The following SEC31A variants were observed in gnomAD, a reference collection of about 807,000 sequenced individuals.
The protein encoded by SEC31A is SEC31 homolog A, COPII component.
A neutral mutation model predicts 151.0 loss-of-function variants in SEC31A; 70 were observed. The ratio of observed to expected loss-of-function variants is 0.46; its 90% CI spans 0.38 to 0.57. The LOEUF (loss-of-function observed/expected upper bound fraction) is 0.57, where lower values mean the gene tolerates loss of function less well. SEC31A is among the 20% of genes least tolerant of loss of function. The pLI is 0.00. For synonymous variants in SEC31A, 475 were observed against 505.9 expected (o/e 0.94, Z 0.82); for missense variants, 1,330 against 1,471.2 (o/e 0.90, Z 1.57).
At chr4:82,840,199 T>G (rs1021497186) in intron 22 of SEC31A, among the ~76,000 whole-genome samples, 6 of 152,178 alleles carry the variant, frequency 3.9e-5, no homozygotes, top group Non-Finnish European at 8.8e-5. Flanking sequence ...AAGACTTAAA[T>G]AAGAAAACAT....
chr4:82,864,673 A>G (rs1342496034), intron 10 of SEC31A, 75 bp from the exon 11 acceptor site: 1 of 1,150,342 alleles, frequency 8.7e-7, no homozygotes, highest in Non-Finnish European at 1.3e-6. Flanking sequence ...AAAGTGGCCT[A>G]AACAGATAAT....
At position 82,864,451 on chromosome 4, in the gene SEC31A, C is replaced by T. The variant is rs1340078150; in HGVS notation, c.1345G>A (p.Val449Met). 2 of 1,614,036 alleles carry T rather than the reference C, an allele frequency of 1.2e-6. No individual in the cohort carries two copies. The highest frequency in any genetic ancestry group is 1.7e-6 in the Non-Finnish European group (2 of 1,180,040). The change falls in exon 11 of 27, where the codon GTG becomes ATG. Residue 449 changes from valine to methionine, a missense_variant. Transcript: ENST00000395310. ...LSRSDQLQQA[V>M]QSQGFINYCQ... The stretch of plus-strand genomic sequence containing the variant: ...TAATTGATAAATCCTTGTGACTGCA[C>T]AGCCTGCTGAAGTTGGTCTGATCGG...
rs549346541 is a variant in SEC31A at position 82,856,390 on chromosome 4, C to A, written c.1881+562G>T. On this transcript the variant is annotated intron_variant, in intron 16 of 26. Coordinates refer to ENST00000395310, the MANE Select transcript of SEC31A (RefSeq NM_001077207.4). ...GGTCTTGAACTCCTGACCTCGTGAC[C>A]CCCCCACCTCTGCCTCCCAAAGTGC... 2.6e-5 allele frequency among the ~76,000 whole-genome samples: 4 copies of A among 151,158 alleles called. No homozygotes were observed. The South Asian group carries it at 8.4e-4, about 32-fold the overall frequency.
intron 14 of SEC31A, among the ~76,000 whole-genome samples, chr4:82,859,788 AAT>A (rs1491308980): frequency 1.8e-4 from 12 of 68,216 alleles, no homozygotes; most frequent in South Asian, 9.5e-4. Flanking sequence ...CTTGCATAAA[AAT>A]ATTTTTTTTT....
chr4:82,863,506 C>T (rs535839227), intron 11 of SEC31A, 114 bp from the exon 12 acceptor site: 2 of 611,670 alleles, frequency 3.3e-6, no homozygotes, highest in African/African-American at 3.8e-5. Context: ...AGTCTACATT[C>T]TAAAGATTCA....
intron 16 of SEC31A, among the ~76,000 whole-genome samples, chr4:82,855,326 T>C (rs1732394321): frequency 6.6e-6 from 1 of 152,186 alleles, no homozygotes; most frequent in African/African-American, 2.4e-5. Flanking sequence ...TGCCCAAGCA[T>C]GTAGACTTTT....
intron 1 of SEC31A, among the ~76,000 whole-genome samples, chr4:82,885,355 T>C (rs1158941986): frequency 6.6e-6 from 1 of 152,204 alleles, no homozygotes; most frequent in Non-Finnish European, 1.5e-5. Context: ...GTCTGTTTTC[T>C]TTTTTGTGCA....
Position 82,855,188 on chromosome 4 carries a change from C to T in SEC31A, c.1882-159G>A, listed in dbSNP as rs1483035354. On this transcript the variant is annotated intron_variant, in intron 16 of 26. Transcript: ENST00000395310. ...ACATAATAATGGTATTATTGTTCCT[C>T]AAGAAACAACAGCAACAACAAAAAC... 6.6e-6 allele frequency among the ~76,000 whole-genome samples: 1 copy of T among 152,182 alleles called. No individual in the cohort carries two copies. Among genetic ancestry groups the T allele is most frequent in the East Asian group, 1.9e-4 (1 of 5,206 alleles).
Position 82,866,916 on chromosome 4 carries a change from C to T in SEC31A, c.1089G>A (p.Gln363=). 6.2e-7 allele frequency: 1 copy of T among 1,614,058 alleles called. No individual in the cohort carries two copies. Residue 363 remains glutamine (Q), a synonymous_variant, in exon 10 of 27, where the codon CAG becomes CAA. Coordinates refer to ENST00000395310, the MANE Select transcript of SEC31A (RefSeq NM_001077207.4). ...FGNLDPFGTG[Q]PLPPLQIPQQ... is the part of the protein sequence containing the mutation. The stretch of plus-strand genomic sequence containing the variant: ...GTGGAATTTGTAACGGAGGAAGGGG[C>T]TGTCCTGTGCCAAAGGGATCAAGAT...
intron 1 of SEC31A, among the ~76,000 whole-genome samples, chr4:82,890,059 C>A (rs568249574): frequency 6.6e-6 from 1 of 152,042 alleles, no homozygotes; most frequent in Non-Finnish European, 1.5e-5. Context: ...GAAACCCCGT[C>A]TCTACTAAAA....
At chr4:82,824,742 C>G (rs1724150093) in intron 24 of SEC31A, 68 bp from the exon 25 acceptor site, 3 of 1,543,014 alleles carry the variant, frequency 1.9e-6, no homozygotes, top group Non-Finnish European at 2.6e-6. Context: ...AATCTTGAAT[C>G]TATGTGATAA....
At chr4:82,873,684 T>C (rs1271920329) in intron 6 of SEC31A, among the ~76,000 whole-genome samples, 1 of 152,194 alleles carries the variant, frequency 6.6e-6, no homozygotes, top group Non-Finnish European at 1.5e-5. Context: ...TTAAACTACA[T>C]ATGTATGCCT....
At chr4:82,888,789 A>T (rs530106797) in intron 1 of SEC31A, among the ~76,000 whole-genome samples, 1 of 152,314 alleles carries the variant, frequency 6.6e-6, no homozygotes, top group South Asian at 2.1e-4. Flanking sequence ...ATTGCATTCA[A>T]TTAGGTGGAA....
intron 2 of SEC31A, 42 bp from the exon 3 acceptor site, chr4:82,880,964 A>T: frequency 6.5e-7 from 1 of 1,527,158 alleles, no homozygotes; most frequent in East Asian, 2.3e-5. Flanking sequence ...CACAAAAATA[A>T]AAGATCAGAG....
At position 82,829,069 on chromosome 4, in the gene SEC31A, T is replaced by C. The variant is rs775881857; in HGVS notation, c.2969-11A>G. 6.2e-7 allele frequency: 1 copy of C among 1,606,710 alleles called. No individual in the cohort carries two copies. The highest frequency in any genetic ancestry group is 8.5e-7 in the Non-Finnish European group (1 of 1,173,652). On this transcript the variant is annotated splice_polypyrimidine_tract_variant and intron_variant, in intron 22 of 26. Coordinates refer to ENST00000395310, the MANE Select transcript of SEC31A (RefSeq NM_001077207.4). ...AACCATTCTGAGGACCTATAACAGA[T>C]AACAGAGAATGTTTTCCTTTAGAAT...
At chr4:82,847,697 T>C (rs1730538041) in intron 20 of SEC31A, among the ~76,000 whole-genome samples, 1 of 152,204 alleles carries the variant, frequency 6.6e-6, no homozygotes, top group Non-Finnish European at 1.5e-5. Context: ...TGTTCTGCCC[T>C]ACCTATGTCA....
At chr4:82,863,273 T>C in intron 12 of SEC31A, 45 bp downstream of exon 12, 1 of 1,063,298 alleles carries the variant, frequency 9.4e-7, no homozygotes, top group Non-Finnish European at 1.4e-6. Context: ...TTTTTAAAAG[T>C]ATGATTCATA....
intron 1 of SEC31A, among the ~76,000 whole-genome samples, chr4:82,886,874 C>CT (rs1399217793): frequency 1.3e-5 from 2 of 152,164 alleles, no homozygotes; most frequent in Non-Finnish European, 2.9e-5. Flanking sequence ...GCCTTATGTG[C>CT]TATCTTATCT....
intron 18 of SEC31A, among the ~76,000 whole-genome samples, chr4:82,852,701 CTTAGAAAAAAATATCTAAT>C (rs1457720792): frequency 6.6e-6 from 1 of 152,058 alleles, no homozygotes; most frequent in East Asian, 1.9e-4. Context: ...GATTTAAATG[CTTAGAAAAAAATATCTAAT>C]ATATAGTTAG....
Sources: allele counts gnomAD v4.1 joint callset (sites outside exome capture counted in the v4.1 genomes callset), GRCh38; gene constraint gnomAD v4.1.1; transcripts MANE v1.5; gene names NCBI Gene and HGNC (gene_info 2026-07-23, HGNC 2026-07-21).